The following RNF214 variants were observed in gnomAD, a reference collection of about 807,000 sequenced individuals.
RNF214 encodes ring finger protein 214.
Under a neutral mutation model 75.9 loss-of-function variants are expected in RNF214, and 25 were observed. That is an observed-to-expected ratio of 0.33 (90% CI 0.24 to 0.46). The LOEUF is 0.46. RNF214 is among the 20% of genes least tolerant of loss of function. The pLI, the probability that RNF214 is intolerant of heterozygous loss-of-function variation, is 1.00. For missense variants in RNF214, 725 were observed against 857.5 expected (o/e 0.85, Z 1.93); for synonymous variants, 314 against 308.8 (o/e 1.02, Z -0.18).
chr11:117,276,046 G>A (rs1057140474), intron 6 of RNF214, among the ~76,000 whole-genome samples: 1 of 152,132 alleles, frequency 6.6e-6, no homozygotes, highest in Non-Finnish European at 1.5e-5. Flanking sequence ...CAGCACAATC[G>A]AGTGGGCTTC....
At chr11:117,250,172 G>C (rs985991768) in intron 6 of RNF214, among the ~76,000 whole-genome samples, 1 of 152,170 alleles carries the variant, frequency 6.6e-6, no homozygotes, top group Non-Finnish European at 1.5e-5. Flanking sequence ...TGGGTAGGGG[G>C]AGTCACAGAG....
chr11:117,280,485 T>G (rs1471716872), intron 8 of RNF214, among the ~76,000 whole-genome samples: 2 of 152,212 alleles, frequency 1.3e-5, no homozygotes, highest in Non-Finnish European at 2.9e-5. Flanking sequence ...TTTGCATTTT[T>G]TAATGTTTTG....
At chr11:117,259,497 T>C (rs932901387) in intron 6 of RNF214, among the ~76,000 whole-genome samples, 12 of 152,348 alleles carry the variant, frequency 7.9e-5, no homozygotes, top group African/African-American at 2.9e-4. Context: ...TGGCCAGATA[T>C]GCTTCCAAAT....
intron 1 of RNF214, 108 bp from the exon 2 acceptor site, chr11:117,234,159 G>GT (rs2032832492): frequency 1.3e-6 from 1 of 793,910 alleles, no homozygotes; most frequent in Admixed American, 2.3e-5. Flanking sequence ...AGGTTTTTGT[G>GT]TTTCTTTACT....
Position 117,285,999 on chromosome 11 carries a change from C to T in RNF214, c.*848C>T, listed in dbSNP as rs1053421348. On this transcript the variant is annotated 3_prime_UTR_variant, in exon 15 of 15. Coordinates refer to ENST00000300650, the MANE Select transcript of RNF214 (RefSeq NM_207343.4). ...TCACCCTTTCCCATTCACTTCTGGT[C>T]TCCTAGTCTAGCTAATCCCCCTCCC... 3 of 152,644 alleles carry T rather than the reference C, an allele frequency of 2.0e-5. No individual in the cohort carries two copies. The highest frequency in any genetic ancestry group is 2.9e-5 in the Non-Finnish European group (2 of 68,060). The allele number at this position is 152,644 out of a possible 1,614,324, so 9.5% of individuals were successfully genotyped here. A position where few individuals can be genotyped will look rare whatever the true frequency, so the allele number is the denominator to read the frequency against.
In RNF214 at chr11:117,263,602, C is replaced by T. The variant is rs966519352; in HGVS notation, c.960-16306C>T. Among the ~76,000 whole-genome samples, 7 of 152,224 alleles carry T rather than the reference C, an allele frequency of 4.6e-5. No homozygotes were observed. In the East Asian group the frequency reaches 9.6e-4, roughly 21 times the overall value. Reference sequence around the variant, plus strand: ...AAAAAATTTTAATTATGTGTGCATGCGTGCATACGTAGGAGTCCCACAAAA... The same window carrying T: ...AAAAAATTTTAATTATGTGTGCATGTGTGCATACGTAGGAGTCCCACAAAA... On this transcript the variant is annotated intron_variant, in intron 6 of 14. Coordinates refer to ENST00000300650, the MANE Select transcript of RNF214 (RefSeq NM_207343.4).
rs767986564 is a variant in RNF214, at chr11:117,234,389, G to A, written c.107+10G>A. On this transcript the variant is annotated intron_variant, in intron 2 of 14. Transcript: ENST00000300650. ...TCCCAGATGGTCTAAGGTAATGTGT[G>A]GACTCCTGACTGGGAAGATTCATTT... The A allele has an allele frequency of 8.7e-5, 136 of 1,570,924 alleles. No homozygotes were observed. Among genetic ancestry groups the A allele is most frequent in the Non-Finnish European group, 1.2e-4 (132 of 1,140,662 alleles).
At chr11:117,238,351 G>C (rs185080480) in intron 2 of RNF214, among the ~76,000 whole-genome samples, 118 of 152,304 alleles carry the variant, frequency 7.7e-4, no homozygotes, top group Non-Finnish European at 1.4e-3. Context: ...ACTGTAGTGA[G>C]CCTTGATGGC....
At chr11:117,259,645 AT>A (rs1199207592) in intron 6 of RNF214, among the ~76,000 whole-genome samples, 1 of 152,146 alleles carries the variant, frequency 6.6e-6, no homozygotes, top group Non-Finnish European at 1.5e-5. Context: ...GGTTTGAATC[AT>A]TGTGGTTTTA....
intron 6 of RNF214, among the ~76,000 whole-genome samples, chr11:117,252,337 T>C (rs574038717): frequency 8.5e-5 from 13 of 152,258 alleles, no homozygotes; most frequent in African/African-American, 3.1e-4. Context: ...TGTAAGACAT[T>C]TAGGGGCAGC....
intron 6 of RNF214, among the ~76,000 whole-genome samples, chr11:117,275,490 A>G (rs1207696407): frequency 1.3e-5 from 2 of 152,238 alleles, no homozygotes; most frequent in Non-Finnish European, 2.9e-5. Context: ...AGCAAAAATA[A>G]TAGACCATTA....
intron 6 of RNF214, among the ~76,000 whole-genome samples, chr11:117,278,181 G>A (rs988334584): frequency 6.7e-6 from 1 of 148,870 alleles, no homozygotes; most frequent in Admixed American, 6.7e-5. Context: ...GCACGTGCCT[G>A]TAGTACCACC....
At chr11:117,234,657 G>A (rs1290409772) in intron 2 of RNF214, among the ~76,000 whole-genome samples, 2 of 152,158 alleles carry the variant, frequency 1.3e-5, no homozygotes, top group Non-Finnish European at 2.9e-5. Flanking sequence ...TGGACTGTAT[G>A]TTCATTTAAC....
At chr11:117,280,844 A>C (rs1046645219) in intron 8 of RNF214, among the ~76,000 whole-genome samples, 1 of 152,120 alleles carries the variant, frequency 6.6e-6, no homozygotes, top group East Asian at 1.9e-4. Context: ...TTTCTCAATT[A>C]CTTAAAAGAT....
At chr11:117,257,564 G>A (rs1163239045) in intron 6 of RNF214, among the ~76,000 whole-genome samples, 2 of 152,192 alleles carry the variant, frequency 1.3e-5, no homozygotes, top group African/African-American at 4.8e-5. Context: ...TAGAAGAGAT[G>A]CTCTGTCTTG....
At chr11:117,266,993 G>T (rs1224286284) in intron 6 of RNF214, among the ~76,000 whole-genome samples, 1 of 125,658 alleles carries the variant, frequency 8.0e-6, no homozygotes, top group Non-Finnish European at 1.7e-5. Context: ...AAAAAAAAAA[G>T]GTTGGGGGCC....
intron 5 of RNF214, among the ~76,000 whole-genome samples, chr11:117,246,184 C>T (rs1214917261): frequency 2.6e-5 from 4 of 151,600 alleles, no homozygotes; most frequent in East Asian, 1.9e-4. Flanking sequence ...AGGCTGGACT[C>T]GAACTCCCGG....
chr11:117,283,014 TC>T (rs1190971313), intron 13 of RNF214, 100 bp from the exon 14 acceptor site: 2 of 1,034,392 alleles, frequency 1.9e-6, no homozygotes, highest in African/African-American at 3.2e-5. Flanking sequence ...GATTTTTGTT[TC>T]TTTTGATATA....
intron 6 of RNF214, among the ~76,000 whole-genome samples, chr11:117,278,615 T>G (rs78491923): frequency 0.026 from 3,932 of 152,178 alleles, 162 homozygotes; most frequent in African/African-American, 0.089. Flanking sequence ...GTCACTGTCA[T>G]GCTGAGTGGG....
Sources: allele counts gnomAD v4.1 joint callset (sites outside exome capture counted in the v4.1 genomes callset), GRCh38; gene constraint gnomAD v4.1.1; transcripts MANE v1.5; gene names NCBI Gene and HGNC (gene_info 2026-07-23, HGNC 2026-07-21).